The following LAMA2 variants were observed in gnomAD, a reference collection of about 807,000 sequenced individuals.
LAMA2 encodes laminin subunit alpha 2, also known as laminin subunit alpha-2.
In LAMA2, 269 loss-of-function variants were observed where a neutral mutation model predicts 364.8. The ratio of observed to expected loss-of-function variants is 0.74; its 90% confidence interval spans 0.67 to 0.82. The LOEUF (loss-of-function observed/expected upper bound fraction) is 0.82. Among genes scored for constraint, LAMA2 ranks in the 40% least tolerant of loss-of-function variants. LAMA2 has a pLI of 0.00. For missense variants in LAMA2, 3,807 were observed against 3,873.2 expected (o/e 0.98, Z 0.45); for synonymous variants, 1,379 against 1,370.6 (o/e 1.01, Z -0.14).
chr6:128,958,381 C>A (rs36027308), intron 1 of LAMA2, among the ~76,000 whole-genome samples: 19,418 of 151,966 alleles, frequency 0.13, 1,570 homozygotes, highest in African/African-American at 0.23. Context: ...GTAAAATAAT[C>A]TAACAGGCTC....
intron 4 of LAMA2, among the ~76,000 whole-genome samples, chr6:129,119,666 G>A (rs900044294): frequency 9.9e-5 from 15 of 152,116 alleles, no homozygotes; most frequent in Non-Finnish European, 2.2e-4. Context: ...TCCTGCCTCA[G>A]CCTCCTGAGT....
intron 3 of LAMA2, among the ~76,000 whole-genome samples, chr6:129,073,849 T>C (rs1773471689): frequency 6.6e-6 from 1 of 152,212 alleles, no homozygotes; most frequent in Non-Finnish European, 1.5e-5. Flanking sequence ...TCTGTTTCTA[T>C]TGTCTTTTCA....
rs946428634 is a variant in LAMA2, at chr6:129,456,577, G to A, written c.6867+83G>A. The A allele has an allele frequency of 1.5e-5, 20 of 1,294,824 alleles. No individual in the cohort carries two copies. The South Asian group carries it at 2.4e-4, about 15-fold the overall frequency. The allele number at this position is 1,294,824 out of a possible 1,614,324, so 80.2% of individuals were successfully genotyped here. On this transcript the variant is annotated intron_variant, in intron 48 of 64. Coordinates refer to ENST00000421865, the MANE Select transcript of LAMA2 (RefSeq NM_000426.4). The stretch of plus-strand genomic sequence containing the variant: ...TTACTTCAGGAGAAGGTATGATAAA[G>A]CTCTGTAAAACTTGATCACGTTTTA...
chr6:129,305,939 T>C (rs1399338216), intron 22 of LAMA2, among the ~76,000 whole-genome samples: 2 of 152,112 alleles, frequency 1.3e-5, no homozygotes, highest in Non-Finnish European at 2.9e-5. Flanking sequence ...TCTAGGAATA[T>C]ACATCTTTAA....
intron 3 of LAMA2, among the ~76,000 whole-genome samples, chr6:129,069,928 A>G (rs1197271586): frequency 6.6e-6 from 1 of 151,538 alleles, no homozygotes; most frequent in Non-Finnish European, 1.5e-5. Context: ...GAAATTGACT[A>G]CATATTTGAA....
chr6:129,165,269 A>G (rs1049331417), intron 8 of LAMA2, among the ~76,000 whole-genome samples: 2 of 151,968 alleles, frequency 1.3e-5, no homozygotes, highest in Non-Finnish European at 2.9e-5. Flanking sequence ...GTTTAAGTAA[A>G]CTAGCTTTGT....
At chr6:129,222,810 C>T (rs980633935) in intron 12 of LAMA2, among the ~76,000 whole-genome samples, 7 of 152,078 alleles carry the variant, frequency 4.6e-5, no homozygotes, top group African/African-American at 1.7e-4. Context: ...CATACATGTG[C>T]ATGTGTCTTT....
intron 17 of LAMA2, among the ~76,000 whole-genome samples, chr6:129,271,085 C>A (rs1562400123): frequency 6.6e-6 from 1 of 152,036 alleles, no homozygotes; most frequent in Non-Finnish European, 1.5e-5. Flanking sequence ...CAGACACATA[C>A]CCATCTTCAT....
At chr6:129,219,234 C>G (rs1783629296) in intron 12 of LAMA2, among the ~76,000 whole-genome samples, 2 of 152,076 alleles carry the variant, frequency 1.3e-5, no homozygotes, top group African/African-American at 4.8e-5. Flanking sequence ...AAATGCTCAC[C>G]ATCACTGGCC....
intron 1 of LAMA2, among the ~76,000 whole-genome samples, chr6:128,953,112 C>A (rs1181123102): frequency 6.6e-6 from 1 of 152,144 alleles, no homozygotes; most frequent in African/African-American, 2.4e-5. Flanking sequence ...GAACACAGGG[C>A]AGCTTAGGTC....
At chr6:129,483,815 A>G (rs1336503564) in intron 55 of LAMA2, among the ~76,000 whole-genome samples, 2 of 152,168 alleles carry the variant, frequency 1.3e-5, no homozygotes, top group African/African-American at 4.8e-5. Context: ...ACAAGCATAG[A>G]TGGAAACAGC....
At chr6:129,171,367 C>G (rs950657203) in intron 9 of LAMA2, among the ~76,000 whole-genome samples, 3 of 152,086 alleles carry the variant, frequency 2.0e-5, no homozygotes, top group African/African-American at 7.2e-5. Flanking sequence ...TAGGGCAGGA[C>G]TGGTGGTGAC....
intron 53 of LAMA2, among the ~76,000 whole-genome samples, chr6:129,477,077 C>T (rs954445661): frequency 2.0e-5 from 3 of 152,120 alleles, no homozygotes; most frequent in Admixed American, 6.5e-5. Context: ...ATATTGATGC[C>T]GACTGGACAG....
intron 61 of LAMA2, among the ~76,000 whole-genome samples, chr6:129,505,596 C>T (rs1175412610): frequency 6.6e-6 from 1 of 152,034 alleles, no homozygotes; most frequent in Non-Finnish European, 1.5e-5. Context: ...GCAAGCTCTC[C>T]CTCCCGGGTT....
Position 129,464,279 on chromosome 6 carries a change from T to G in LAMA2, c.6993-11T>G. ...TATGATCTGATTCATGTGAAATGTC[T>G]CTCTTCTCAGTCCTCAGGTGGAAGA... On this transcript the variant is annotated splice_polypyrimidine_tract_variant and intron_variant, in intron 49 of 64. Transcript: ENST00000421865. 6.2e-7 allele frequency: 1 copy of G among 1,608,362 alleles called. No individual in the cohort carries two copies. The highest frequency in any genetic ancestry group is 8.5e-7 in the Non-Finnish European group (1 of 1,175,278).
intron 53 of LAMA2, among the ~76,000 whole-genome samples, chr6:129,476,938 C>T (rs917264841): frequency 6.6e-6 from 1 of 152,130 alleles, no homozygotes; most frequent in African/African-American, 2.4e-5. Flanking sequence ...CTGATATACA[C>T]TGCCAAGGTC....
chr6:129,251,441 T>A (rs991129600), intron 13 of LAMA2, among the ~76,000 whole-genome samples: 2 of 152,078 alleles, frequency 1.3e-5, no homozygotes, highest in Non-Finnish European at 2.9e-5. Context: ...CAATTCAAGG[T>A]GTTTGTAATC....
chr6:129,427,682 T>G, intron 40 of LAMA2, 70 bp from the exon 41 acceptor site: 1 of 1,090,320 alleles, frequency 9.2e-7, no homozygotes, highest in Non-Finnish European at 1.4e-6. Flanking sequence ...GTGTACCAAC[T>G]GCCTTCTGGA....
At chr6:129,219,945 T>G (rs1490205570) in intron 12 of LAMA2, among the ~76,000 whole-genome samples, 1 of 151,462 alleles carries the variant, frequency 6.6e-6, no homozygotes, top group Admixed American at 6.6e-5. Context: ...ATGGTGCACA[T>G]GTACCCTAAA....
Sources: gnomAD v4.1 joint callset for allele counts (sites outside exome capture counted in the v4.1 genomes callset) on GRCh38, gnomAD v4.1.1 for gene constraint, MANE v1.5 for transcripts, NCBI Gene and HGNC (gene_info 2026-07-23, HGNC 2026-07-21) for gene names.